The following PKN3 variants were observed in gnomAD, a reference collection of about 807,000 sequenced individuals.
PKN3 encodes serine/threonine-protein kinase N3.
In PKN3, 91 loss-of-function variants were observed where a neutral mutation model predicts 113.1. The ratio of observed to expected loss-of-function variants is 0.80; its 90% CI spans 0.68 to 0.96. The LOEUF is 0.96. Among genes scored for constraint, PKN3 ranks in the 40% least tolerant of loss-of-function variants. PKN3 has a pLI of 0.00. For missense variants in PKN3, 1,052 were observed against 1,202.2 expected, an observed-to-expected ratio of 0.88 and a Z score of 1.85; for synonymous variants, 467 against 499.0, an observed-to-expected ratio of 0.94 and a Z score of 0.85.
In PKN3 at chr9:128,702,523, G is replaced by C. The variant is rs1218618923; in HGVS notation, c.-393G>C. 6 of 212,084 alleles carry C rather than the reference G, an allele frequency of 2.8e-5. No homozygotes were observed. The highest frequency in any genetic ancestry group is 4.6e-5 in the African/African-American group (2 of 43,132). The allele number at this position is 212,084 out of a possible 1,614,324, so 13.1% of individuals were successfully genotyped here. A position where few individuals can be genotyped will look rare whatever the true frequency, so the allele number is the denominator to read the frequency against. The stretch of plus-strand genomic sequence containing the variant: ...CCCCCATCCCTGTCCCTAACTGGCC[G>C]GCTCCCGCGGGCGCGCGGCGGGGAA... On this transcript the variant is annotated 5_prime_UTR_variant, in exon 1 of 22. Coordinates refer to ENST00000291906, the MANE Select transcript of PKN3 (RefSeq NM_013355.5).
intron 6 of PKN3, among the ~76,000 whole-genome samples, chr9:128,709,243 A>G (rs1332571529): frequency 2.7e-5 from 4 of 150,616 alleles, no homozygotes; most frequent in Non-Finnish European, 4.4e-5. Context: ...CCGAGATCGC[A>G]CCACTGCACT....
At chr9:128,718,718 C>T in intron 18 of PKN3, 93 bp downstream of exon 18, 2 of 1,211,322 alleles carry the variant, frequency 1.7e-6, no homozygotes, top group South Asian at 2.4e-5. Context: ...CAGGAAATCT[C>T]CTCACCTGCG....
chr9:128,705,634 T>C, intron 2 of PKN3, 91 bp downstream of exon 2: 1 of 1,541,036 alleles, frequency 6.5e-7, no homozygotes, highest in Non-Finnish European at 8.8e-7. Flanking sequence ...CGAGACCACC[T>C]CATTTCCTGC....
chr9:128,719,182 C>T (rs1862442290), intron 18 of PKN3, among the ~76,000 whole-genome samples: 2 of 150,802 alleles, frequency 1.3e-5, no homozygotes, highest in African/African-American at 2.4e-5. Flanking sequence ...AGGCGTGAGC[C>T]ACTGCGCCCG....
In PKN3 at chr9:128,702,787, G is replaced by C; in HGVS notation, c.-129G>C. On this transcript the variant is annotated 5_prime_UTR_variant, in exon 1 of 22. Transcript: ENST00000291906. The stretch of plus-strand genomic sequence containing the variant: ...CCGCGGGCCAGCGGGTCTCGGGAGG[G>C]GGCGCCCGATCCCGCGTCTCCGGCG... The C allele has an allele frequency of 1.4e-6, 1 of 704,260 alleles. No homozygotes were observed. The highest frequency in any genetic ancestry group is 2.4e-6 in the Non-Finnish European group (1 of 425,088). 43.6% of individuals were successfully genotyped at this position (704,260 alleles called of 1,614,324 possible). A position where few individuals can be genotyped will look rare whatever the true frequency, so the allele number is the denominator to read the frequency against.
Position 128,720,310 on chromosome 9 carries a change from C to A in PKN3, c.2457+27C>A, listed in dbSNP as rs371020072. The A allele has an allele frequency of 6.2e-7, 1 of 1,612,722 alleles. No individual in the cohort carries two copies. The highest frequency in any genetic ancestry group is 1.3e-5 in the African/African-American group (1 of 74,844). ...TGAGCGGCTGGGGTGGCGGTGGTCC[C>A]CTGTGCCTGGCAGGGTAGGTGGCAT... On this transcript the variant is annotated intron_variant, in intron 21 of 21. Coordinates refer to ENST00000291906, the MANE Select transcript of PKN3 (RefSeq NM_013355.5). This position sits in a 1 kb window ranked among gnomAD's most constrained non-coding sequence, Gnocchi z 5.5.
At chr9:128,716,681 G>T (rs1170547057) in intron 15 of PKN3, 66 bp from the exon 16 acceptor site, 1 of 1,364,980 alleles carries the variant, frequency 7.3e-7, no homozygotes, top group Admixed American at 1.8e-5. Context: ...GGGGTGTTGT[G>T]CAGGGCACAG....
At chr9:128,703,559 G>C in intron 1 of PKN3, 3 of 985,436 alleles carry the variant, frequency 3.0e-6, no homozygotes, top group Non-Finnish European at 3.6e-6. Context: ...CCGAGGCCAT[G>C]TCTATCTGCT....
Position 128,718,559 on chromosome 9 carries a change from T to C in PKN3, c.2059T>C (p.Leu687=), listed in dbSNP as rs1298913105. ...CACCCTTGCCCTCAGGGACCTGAAG[T>C]TGGATAACCTTCTGCTGGATGCCCA... is the stretch of plus-strand genomic sequence containing the variant. ...EKKIIYRDLK[L]DNLLLDAQGF... The change falls in exon 18 of 22, where the codon TTG becomes CTG. Residue 687 remains leucine (L), a synonymous_variant. Coordinates refer to ENST00000291906, the MANE Select transcript of PKN3 (RefSeq NM_013355.5). The C allele has an allele frequency of 6.2e-7, 1 of 1,613,942 alleles. No individual in the cohort carries two copies. The highest frequency in any genetic ancestry group is 8.5e-7 in the Non-Finnish European group (1 of 1,180,012).
chr9:128,711,307 CTTT>C (rs769509901), intron 6 of PKN3, among the ~76,000 whole-genome samples: 3 of 131,326 alleles, frequency 2.3e-5, no homozygotes, highest in Admixed American at 7.6e-5. Context: ...CGCCCCACCT[CTTT>C]TTTTTTTTTT....
intron 3 of PKN3, among the ~76,000 whole-genome samples, chr9:128,706,475 G>A: frequency 6.6e-6 from 1 of 152,202 alleles, no homozygotes; most frequent in South Asian, 2.1e-4. Context: ...TGATGGGAGA[G>A]GCATGACCCC....
Position 128,720,538 on chromosome 9 carries a change from C to T in PKN3, c.2602C>T (p.Leu868Phe), listed in dbSNP as rs1862507745. Residue 868 changes from leucine (L) to phenylalanine (F), a missense_variant, in exon 22 of 22, where the codon CTC (leucine) becomes TTC (phenylalanine). Leu to Phe is a conservative substitution (Grantham distance 22). This residue lies in a region of PKN3 where 333 missense variants were observed against 442.8 expected (regional missense o/e 0.75). Coordinates refer to ENST00000291906, the MANE Select transcript of PKN3 (RefSeq NM_013355.5). This position sits in a 1 kb window ranked among gnomAD's most constrained non-coding sequence, Gnocchi z 5.5. ...ALTPPAPHSL[L>F]TARQQAAFRD... is the part of the protein sequence containing the mutation. Reference sequence around the variant, plus strand: ...GACCCCACCTGCACCCCACAGCCTCCTCACTGCCCGCCAACAGGCCGCCTT... The same window carrying T: ...GACCCCACCTGCACCCCACAGCCTCTTCACTGCCCGCCAACAGGCCGCCTT... 6.2e-7 allele frequency: 1 copy of T among 1,613,572 alleles called. No homozygotes were observed. Among genetic ancestry groups the T allele is most frequent in the Non-Finnish European group, 8.5e-7 (1 of 1,180,026 alleles).
chr9:128,714,660 CT>C lies in PKN3; in HGVS notation c.1581del (p.Pro528ArgfsTer35). ...YLPQEPTSEETPRTKRPHMEP... is the reference protein window; with the variant it reads ...YLPQEPTSEEXPRTKRPHMEP... ...CCCCAGGAGCCAACATCCGAGGAGACTCCGGTGAGGGGCTGGAGGGACTAGT... is the reference window on the plus strand; with the variant it reads ...CCCCAGGAGCCAACATCCGAGGAGACCCGGTGAGGGGCTGGAGGGACTAGT... On this transcript the variant is annotated frameshift_variant, in exon 12 of 22. Transcript: ENST00000291906. LOFTEE classifies it high-confidence loss of function. The C allele has an allele frequency of 7.0e-7, 1 of 1,438,690 alleles. No homozygotes were observed. The highest frequency in any genetic ancestry group is 9.8e-7 in the Non-Finnish European group (1 of 1,020,634). 89.1% of individuals were successfully genotyped at this position (1,438,690 alleles called of 1,614,324 possible). A position where few individuals can be genotyped will look rare whatever the true frequency, so the allele number is the denominator to read the frequency against.
chr9:128,707,268 G>T lies in PKN3; in HGVS notation c.698G>T (p.Arg233Leu), dbSNP rs939240747. ...QESSQKLDLL[R>L]LALEQLLEQL... ...TCCTCTCAGAAACTGGACCTCCTGCGCCTGGCCTTGGAGCAGCTGCTGGAG... is the reference window on the plus strand; with the variant it reads ...TCCTCTCAGAAACTGGACCTCCTGCTCCTGGCCTTGGAGCAGCTGCTGGAG... Residue 233 changes from arginine to leucine, a missense_variant, in exon 6 of 22, where the codon CGC becomes CTC. Around this residue, in one of 2 missense-constraint regions of PKN3, gnomAD observed 719 missense variants for 759.4 expected, o/e 0.95. Transcript: ENST00000291906. The T allele has an allele frequency of 3.7e-6, 6 of 1,612,664 alleles. No homozygotes were observed. Among genetic ancestry groups the T allele is most frequent in the South Asian group, 1.1e-5 (1 of 90,974 alleles).
rs139226707 is a variant in PKN3 at position 128,704,206 on chromosome 9, G to A, written c.25-1097G>A. On this transcript the variant is annotated intron_variant, in intron 1 of 21. Transcript: ENST00000291906. ...CGGCCTGAGGTCACCTTTGGCACCG[G>A]TTGGTTTGAAATGCTGGCGGCTGGA... 828 of 952,210 alleles carry A rather than the reference G, an allele frequency of 8.7e-4. 4 individuals are homozygous for A. The African/African-American group carries it at 0.012, about 14-fold the overall frequency. The allele number at this position is 952,210 out of a possible 1,614,324, so 59.0% of individuals were successfully genotyped here.
rs144842292 is a variant in PKN3 at position 128,705,384 on chromosome 9, G to T, written c.106G>T (p.Gly36Trp). The part of the protein sequence containing the change: ...AIQKELKIKE[G>W]VENLRRVATD... Reference sequence around the variant, plus strand: ...CCAGAAAGAGCTGAAGATCAAGGAGGGGGTGGAGAACCTGCGGCGCGTGGC... The same window carrying T: ...CCAGAAAGAGCTGAAGATCAAGGAGTGGGTGGAGAACCTGCGGCGCGTGGC... Residue 36 changes from glycine to tryptophan, a missense_variant, in exon 2 of 22, where the codon GGG becomes TGG. Gly to Trp is a radical substitution (Grantham distance 184). Around this residue, in one of 2 missense-constraint regions of PKN3, gnomAD observed 719 missense variants for 759.4 expected, o/e 0.95. Coordinates refer to ENST00000291906, the MANE Select transcript of PKN3 (RefSeq NM_013355.5). 9 of 1,597,632 alleles carry T rather than the reference G, an allele frequency of 5.6e-6. No homozygotes were observed. Among genetic ancestry groups the T allele is most frequent in the Admixed American group, 1.7e-5 (1 of 57,598 alleles).
intron 16 of PKN3, among the ~76,000 whole-genome samples, 190 bp downstream of exon 16, chr9:128,717,113 G>GTTTTTTTTTTTTTTTTTT (rs1554781180): frequency 7.6e-4 from 11 of 14,474 alleles, no homozygotes; most frequent in South Asian, 2.3e-3. Flanking sequence ...TGTGCATTAG[G>GTTTTTTTTTTTTTTTTTT]TTTCTTTTTT....
intron 19 of PKN3, 21 bp from the exon 20 acceptor site, chr9:128,719,889 G>C (rs1862475312): frequency 1.2e-6 from 2 of 1,612,294 alleles, no homozygotes; most frequent in Admixed American, 1.7e-5. Flanking sequence ...CGTGCATCCT[G>C]CTGAGCCCCC....
chr9:128,703,367 C>T (rs913541218), intron 1 of PKN3: 22 of 985,206 alleles, frequency 2.2e-5, no homozygotes, highest in Middle Eastern at 5.2e-4. Flanking sequence ...GCAGTCTGTG[C>T]GCGCTTGGCA....
Sources: gnomAD v4.1 joint callset for allele counts (sites outside exome capture counted in the v4.1 genomes callset) on GRCh38, gnomAD v4.1.1 for gene constraint, gnomAD v4.1.1 regional missense constraint, Gnocchi (gnomAD v3.1) non-coding constraint, MANE v1.5 for transcripts, NCBI Gene and HGNC (gene_info 2026-07-23, HGNC 2026-07-21) for gene names.